CTNNA1: variants seen among roughly 807,000 people sequenced by gnomAD.
CTNNA1 encodes catenin alpha-1.
In CTNNA1, 37 loss-of-function variants were observed where a neutral mutation model predicts 98.4. The ratio of observed to expected loss-of-function variants is 0.38; its 90% CI spans 0.29 to 0.49. CTNNA1 has a LOEUF of 0.49. Among genes scored for constraint, CTNNA1 ranks in the 20% least tolerant of loss-of-function variants. CTNNA1 has a pLI of 0.95. For synonymous variants in CTNNA1, 404 were observed against 413.2 expected, an observed-to-expected ratio of 0.98 and a Z score of 0.27; for missense variants, 761 against 1,147.2, an observed-to-expected ratio of 0.66 and a Z score of 4.86.
intron 7 of CTNNA1, among the ~76,000 whole-genome samples, chr5:138,833,741 G>A (rs1761504590): frequency 6.6e-6 from 1 of 152,196 alleles, no homozygotes; most frequent in Non-Finnish European, 1.5e-5. Context: ...TCCATGCATA[G>A]TAGCTATTAT....
At chr5:138,863,880 C>T (rs1009432570) in intron 7 of CTNNA1, among the ~76,000 whole-genome samples, 10 of 152,122 alleles carry the variant, frequency 6.6e-5, no homozygotes, top group East Asian at 3.8e-4. Flanking sequence ...ATAGGAGTGT[C>T]GAAACTGTTT....
intron 5 of CTNNA1, among the ~76,000 whole-genome samples, chr5:138,824,307 T>G (rs1302488989): frequency 6.6e-6 from 1 of 152,110 alleles, no homozygotes; most frequent in Non-Finnish European, 1.5e-5. Flanking sequence ...TAGAAGTGGG[T>G]GTGGGGTGGA....
intron 9 of CTNNA1, among the ~76,000 whole-genome samples, chr5:138,899,257 A>G (rs1049459054): frequency 1.3e-5 from 2 of 151,486 alleles, no homozygotes; most frequent in African/African-American, 4.9e-5. Flanking sequence ...CTGGAGTTTT[A>G]TTGTGGGAAT....
intron 7 of CTNNA1, among the ~76,000 whole-genome samples, chr5:138,856,068 A>G (rs1763697202): frequency 6.6e-6 from 1 of 152,170 alleles, no homozygotes; most frequent in South Asian, 2.1e-4. Flanking sequence ...TTGAAGTATA[A>G]CCCTCAAGAT....
At chr5:138,836,083 T>G (rs1000300715) in intron 7 of CTNNA1, among the ~76,000 whole-genome samples, 2 of 152,238 alleles carry the variant, frequency 1.3e-5, no homozygotes, top group Admixed American at 1.3e-4. Flanking sequence ...ACACCTGGCC[T>G]CAAGTGATCC....
intron 13 of CTNNA1, among the ~76,000 whole-genome samples, chr5:138,926,523 G>A (rs1410721073): frequency 2.0e-5 from 3 of 150,358 alleles, no homozygotes; most frequent in African/African-American, 7.3e-5. Context: ...CGATTTCGTT[G>A]AGGATACTGA....
At chr5:138,774,133 T>C (rs547962047) in intron 1 of CTNNA1, among the ~76,000 whole-genome samples, 3 of 152,260 alleles carry the variant, frequency 2.0e-5, no homozygotes, top group African/African-American at 7.2e-5. Flanking sequence ...TCTGCCCACC[T>C]CAGCCTACCA....
chr5:138,796,250 C>T (rs1241058286), intron 3 of CTNNA1, among the ~76,000 whole-genome samples: 5 of 152,140 alleles, frequency 3.3e-5, no homozygotes. Flanking sequence ...AGACTGAAGG[C>T]TCCTATTGTT....
chr5:138,921,037 G>A (rs1167594146), intron 11 of CTNNA1, among the ~76,000 whole-genome samples: 1 of 152,160 alleles, frequency 6.6e-6, no homozygotes. Flanking sequence ...AACCTCCAGG[G>A]AGGAGGGGTA....
chr5:138,783,059 AATG>A, intron 2 of CTNNA1, 115 bp from the exon 3 acceptor site: 1 of 722,816 alleles, frequency 1.4e-6, no homozygotes, highest in Admixed American at 3.2e-5. Flanking sequence ...ATTGTATGTT[AATG>A]TTCAGTGGAA....
intron 3 of CTNNA1, among the ~76,000 whole-genome samples, chr5:138,794,724 T>TG (rs1756746223): frequency 6.6e-6 from 1 of 152,130 alleles, no homozygotes; most frequent in East Asian, 1.9e-4. Flanking sequence ...TTTGGCTGGG[T>TG]GGGAGTGGTG....
At chr5:138,779,329 A>G (rs1370413125) in intron 1 of CTNNA1, among the ~76,000 whole-genome samples, 5 of 152,066 alleles carry the variant, frequency 3.3e-5, no homozygotes, top group African/African-American at 1.2e-4. Context: ...GAGGATCCCT[A>G]TGGTCTTAAG....
At chr5:138,930,350 G>A in intron 14 of CTNNA1, 123 bp from the exon 15 acceptor site, 1 of 706,586 alleles carries the variant, frequency 1.4e-6, no homozygotes, top group Non-Finnish European at 2.3e-6. Context: ...CAGGCGAAAT[G>A]AAACCTATTA....
Position 138,827,637 on chromosome 5 carries a change from T to G in CTNNA1, c.981T>G (p.Asp327Glu). The G allele has an allele frequency of 6.2e-7, 1 of 1,614,226 alleles. No individual in the cohort carries two copies. The highest frequency in any genetic ancestry group is 8.5e-7 in the Non-Finnish European group (1 of 1,180,040). ...TGGCCGACTCGTCCTGCACGCGTGATGACCGTCGTGAGCGAATTGTGGCAG... is the reference window on the plus strand; with the variant it reads ...TGGCCGACTCGTCCTGCACGCGTGAGGACCGTCGTGAGCGAATTGTGGCAG... ...ALMADSSCTR[D>E]DRRERIVAEC... Residue 327 changes from aspartate to glutamate, a missense_variant, in exon 7 of 18, where the codon GAT becomes GAG. Coordinates refer to ENST00000302763, the MANE Select transcript of CTNNA1 (RefSeq NM_001903.5).
intron 5 of CTNNA1, among the ~76,000 whole-genome samples, chr5:138,814,282 C>G (rs1759174035): frequency 6.8e-6 from 1 of 147,340 alleles, no homozygotes; most frequent in Non-Finnish European, 1.5e-5. Flanking sequence ...GAGTTTCGCT[C>G]TTGTTGCCCA....
chr5:138,786,022 C>T (rs761515692), intron 3 of CTNNA1, among the ~76,000 whole-genome samples: 1 of 152,144 alleles, frequency 6.6e-6, no homozygotes, highest in Non-Finnish European at 1.5e-5. Flanking sequence ...CCCTGCTCCC[C>T]AAACCCCCCA....
chr5:138,820,353 A>G (rs1158053863), intron 5 of CTNNA1, among the ~76,000 whole-genome samples: 1 of 151,970 alleles, frequency 6.6e-6, no homozygotes, highest in East Asian at 1.9e-4. Flanking sequence ...GGTATAGCAC[A>G]GTAGTTGCAT....
chr5:138,917,689 C>T (rs1208289401), intron 10 of CTNNA1, 53 bp from the exon 11 acceptor site: 2 of 1,585,822 alleles, frequency 1.3e-6, no homozygotes, highest in Admixed American at 1.7e-5. Context: ...GCATGTAAGA[C>T]AAAGCCATGA....
At chr5:138,783,054 A>G in intron 2 of CTNNA1, 123 bp from the exon 3 acceptor site, 2 of 680,600 alleles carry the variant, frequency 2.9e-6, no homozygotes, top group Non-Finnish European at 4.7e-6. Flanking sequence ...GGGGAATTGT[A>G]TGTTAATGTT....
Sources: allele counts gnomAD v4.1 joint callset (sites outside exome capture counted in the v4.1 genomes callset), GRCh38; gene constraint gnomAD v4.1.1; transcripts MANE v1.5; gene names NCBI Gene and HGNC (gene_info 2026-07-23, HGNC 2026-07-21).